Variants in MAP2 observed in about 807,000 individuals in gnomAD.
The protein encoded by MAP2 is microtubule-associated protein 2.
MAP2 carries 14 observed loss-of-function variants against 137.6 expected under a neutral mutation model. The ratio of observed to expected loss-of-function variants is 0.10; its 90% CI spans 0.07 to 0.16. The LOEUF (loss-of-function observed/expected upper bound fraction) is 0.16. MAP2 is among the 10% of genes least tolerant of loss of function. The pLI is 1.00. For missense variants in MAP2, 2,088 were observed against 2,191.5 expected, an observed-to-expected ratio of 0.95 and a Z score of 0.94; for synonymous variants, 786 against 782.3, an observed-to-expected ratio of 1.00 and a Z score of -0.08.
chr2:209,481,112 G>A (rs1708650724), intron 1 of MAP2, among the ~76,000 whole-genome samples: 1 of 152,178 alleles, frequency 6.6e-6, no homozygotes, highest in South Asian at 2.1e-4. Context: ...GTTACAAACT[G>A]AATTTCCGTG....
chr2:209,621,779 A>C (rs187663741), intron 3 of MAP2, among the ~76,000 whole-genome samples: 211 of 152,324 alleles, frequency 1.4e-3, no homozygotes, highest in Non-Finnish European at 2.7e-3. Flanking sequence ...GAAAATCTGC[A>C]TGAATTTATC....
intron 1 of MAP2, among the ~76,000 whole-genome samples, chr2:209,478,351 A>C (rs1707881678): frequency 6.6e-6 from 1 of 152,192 alleles, no homozygotes; most frequent in Non-Finnish European, 1.5e-5. Flanking sequence ...TATCTACCTC[A>C]TACATTTATT....
In MAP2 at chr2:209,618,391, G is replaced by A. The variant is rs140501535; in HGVS notation, c.-106-6662G>A. Among the ~76,000 whole-genome samples, 608 of 152,276 alleles carry A rather than the reference G, an allele frequency of 4.0e-3. 5 individuals carry two copies. The highest frequency in any genetic ancestry group is 0.014 in the African/African-American group (573 of 41,574). Reference sequence around the variant, plus strand: ...ACAAAAGTCCTTGAGGCTAAGCTGAGAAATTTATATTTTGTCATTTTGAAA... The same window carrying A: ...ACAAAAGTCCTTGAGGCTAAGCTGAAAAATTTATATTTTGTCATTTTGAAA... On this transcript the variant is annotated intron_variant, in intron 3 of 15. Transcript: ENST00000682079.
intron 1 of MAP2, among the ~76,000 whole-genome samples, chr2:209,481,676 A>G (rs1368215369): frequency 3.3e-5 from 5 of 152,220 alleles, no homozygotes; most frequent in Non-Finnish European, 7.3e-5. Context: ...GAAATGCTGA[A>G]CTGAGATATA....
chr2:209,483,221 A>T (rs1314710297), intron 1 of MAP2, among the ~76,000 whole-genome samples: 1 of 152,206 alleles, frequency 6.6e-6, no homozygotes, highest in Non-Finnish European at 1.5e-5. Flanking sequence ...GCTGTAATAC[A>T]TGTTGATCAA....
chr2:209,489,530 A>G (rs1017446481), intron 1 of MAP2, among the ~76,000 whole-genome samples: 10 of 152,188 alleles, frequency 6.6e-5, no homozygotes, highest in African/African-American at 2.2e-4. Flanking sequence ...AATGAAAGGA[A>G]GCTAAGAACC....
At chr2:209,671,544 CT>C (rs1241263762) in intron 5 of MAP2, among the ~76,000 whole-genome samples, 1 of 151,794 alleles carries the variant, frequency 6.6e-6, no homozygotes, top group East Asian at 1.9e-4. Context: ...TGAGAAAAAC[CT>C]TTTCTTGACA....
rs1297156028 is a variant in MAP2, at chr2:209,732,911, C to G, written c.*2514C>G. On this transcript the variant is annotated 3_prime_UTR_variant, in exon 16 of 16. Transcript: ENST00000682079. ...TTAAAGTTAACAGAAAGGAACTGATCGTTTGTACCAGTAAAAGAGAGAAAC... is the reference window on the plus strand; with the variant it reads ...TTAAAGTTAACAGAAAGGAACTGATGGTTTGTACCAGTAAAAGAGAGAAAC... 6.6e-6 allele frequency: 1 copy of G among 152,550 alleles called. No homozygotes were observed. The highest frequency in any genetic ancestry group is 1.5e-5 in the Non-Finnish European group (1 of 68,008). 9.4% of individuals were successfully genotyped at this position (152,550 alleles called of 1,614,324 possible). A position where few individuals can be genotyped will look rare whatever the true frequency, so the allele number is the denominator to read the frequency against.
intron 1 of MAP2, among the ~76,000 whole-genome samples, chr2:209,425,607 G>A (rs1368987371): frequency 6.6e-6 from 1 of 152,160 alleles, no homozygotes; most frequent in Non-Finnish European, 1.5e-5. Flanking sequence ...GTCTAGAAAA[G>A]GAAATGATTG....
chr2:209,577,052 C>T (rs781205475), intron 2 of MAP2, among the ~76,000 whole-genome samples: 2 of 152,122 alleles, frequency 1.3e-5, no homozygotes, highest in African/African-American at 2.4e-5. Context: ...GAATATGATT[C>T]ATGTTCCCAG....
At chr2:209,712,275 A>G (rs192413157) in intron 13 of MAP2, among the ~76,000 whole-genome samples, 16 of 152,174 alleles carry the variant, frequency 1.1e-4, no homozygotes, top group African/African-American at 3.9e-4. Flanking sequence ...GATACAAAAT[A>G]TCTCATACTT....
intron 12 of MAP2, among the ~76,000 whole-genome samples, chr2:209,708,069 C>G (rs965339512): frequency 6.6e-6 from 1 of 152,156 alleles, no homozygotes; most frequent in East Asian, 1.9e-4. Context: ...GATGATCCCT[C>G]TCCCCAGAAT....
intron 3 of MAP2, among the ~76,000 whole-genome samples, chr2:209,580,960 C>T (rs1385550557): frequency 6.6e-6 from 1 of 152,018 alleles, no homozygotes; most frequent in East Asian, 1.9e-4. Flanking sequence ...TCAGTAATAC[C>T]TTTTAAGCCT....
chr2:209,695,729 G>A lies in MAP2; in HGVS notation c.3559G>A (p.Asp1187Asn), dbSNP rs1306619184. Reference protein sequence around the residue: ...PAVSEADLATDERADVQMEFI... With the variant: ...PAVSEADLATNERADVQMEFI... ...TGTTTCAGAGGCTGATTTAGCCACAGATGAGAGAGCTGATGTCCAGATGGA... is the reference window on the plus strand; with the variant it reads ...TGTTTCAGAGGCTGATTTAGCCACAAATGAGAGAGCTGATGTCCAGATGGA... Residue 1187 changes from aspartate (D) to asparagine (N), a missense_variant, in exon 8 of 16, where the codon GAT becomes AAT. Asp to Asn is a conservative substitution (Grantham distance 23). This residue lies in a region of MAP2 where 591 missense variants were observed against 642.6 expected (regional missense o/e 0.92). Coordinates refer to ENST00000682079, the MANE Select transcript of MAP2 (RefSeq NM_001375505.1). 6.2e-7 allele frequency: 1 copy of A among 1,614,094 alleles called. No individual in the cohort carries two copies. Among genetic ancestry groups the A allele is most frequent in the South Asian group, 1.1e-5 (1 of 91,070 alleles).
intron 4 of MAP2, among the ~76,000 whole-genome samples, chr2:209,639,882 T>C (rs1487872647): frequency 1.3e-5 from 2 of 151,976 alleles, no homozygotes; most frequent in Admixed American, 1.3e-4. Flanking sequence ...CAGCCCTTCC[T>C]CCAGGAGCTC....
chr2:209,565,196 G>A (rs1368673575), intron 2 of MAP2, among the ~76,000 whole-genome samples: 1 of 152,030 alleles, frequency 6.6e-6, no homozygotes. Flanking sequence ...AGGAGGAATT[G>A]CAAACTCAAT....
intron 2 of MAP2, among the ~76,000 whole-genome samples, chr2:209,551,664 A>G (rs76735313): frequency 0.02 from 2,989 of 152,178 alleles, 93 homozygotes; most frequent in African/African-American, 0.068. Flanking sequence ...GGTAGAAAAA[A>G]TTTCTATGAT....
At chr2:209,612,580 C>T (rs2087348231) in intron 3 of MAP2, among the ~76,000 whole-genome samples, 1 of 152,146 alleles carries the variant, frequency 6.6e-6, no homozygotes, top group African/African-American at 2.4e-5. Context: ...TGCCATATAA[C>T]AGCAGAAATA....
chr2:209,467,655 A>G (rs1466451757), intron 1 of MAP2, among the ~76,000 whole-genome samples: 1 of 152,084 alleles, frequency 6.6e-6, no homozygotes, highest in Non-Finnish European at 1.5e-5. Flanking sequence ...ATTTCTCTGC[A>G]TTTCTCCTTG....
Sources: gnomAD v4.1 joint callset for allele counts (sites outside exome capture counted in the v4.1 genomes callset) on GRCh38, gnomAD v4.1.1 for gene constraint, gnomAD v4.1.1 regional missense constraint, MANE v1.5 for transcripts, NCBI Gene and HGNC (gene_info 2026-07-23, HGNC 2026-07-21) for gene names.